UVRAG: variants seen among roughly 807,000 people sequenced by gnomAD.
UVRAG encodes the protein UV radiation resistance-associated gene protein.
Under a neutral mutation model 78.0 loss-of-function variants are expected in UVRAG, and 19 were observed. That is an observed-to-expected ratio of 0.24 (90% confidence interval 0.17 to 0.36). UVRAG has a LOEUF of 0.36. UVRAG is among the 10% of genes least tolerant of loss of function. The pLI is 1.00. For missense variants in UVRAG, 740 were observed against 853.8 expected (o/e 0.87, Z 1.66); for synonymous variants, 323 against 324.6 (o/e 1.00, Z 0.05).
At chr11:76,059,221 A>G (rs1951035354) in intron 12 of UVRAG, among the ~76,000 whole-genome samples, 1 of 152,226 alleles carries the variant, frequency 6.6e-6, no homozygotes, top group African/African-American at 2.4e-5. Context: ...GAAAGATGAT[A>G]GTTTCTCCAC....
In UVRAG at chr11:75,958,434, T is replaced by A. The variant is rs2135192688; in HGVS notation, c.594-3010T>A. 2.0e-5 allele frequency among the ~76,000 whole-genome samples: 3 copies of A among 152,300 alleles called. No homozygotes were observed. The East Asian group carries it at 5.8e-4, about 29-fold the overall frequency. On this transcript the variant is annotated intron_variant, in intron 6 of 14. Transcript: ENST00000356136. ...TATAGCTTCTTCACCAGGAGTAGATTCTATCTCAAAAAACCACTTTTCTTG... is the reference window on the plus strand; with the variant it reads ...TATAGCTTCTTCACCAGGAGTAGATACTATCTCAAAAAACCACTTTTCTTG...
chr11:75,971,854 T>G (rs1458165570), intron 7 of UVRAG, among the ~76,000 whole-genome samples: 1 of 152,076 alleles, frequency 6.6e-6, no homozygotes, highest in East Asian at 1.9e-4. Flanking sequence ...CCCGGCTAGA[T>G]GTTTTTTTGT....
chr11:75,927,130 C>T (rs950168286), intron 6 of UVRAG, among the ~76,000 whole-genome samples: 8 of 148,912 alleles, frequency 5.4e-5, no homozygotes, highest in African/African-American at 1.8e-4. Flanking sequence ...AGTGCAGTGG[C>T]GCAATCTCGG....
intron 12 of UVRAG, among the ~76,000 whole-genome samples, 162 bp from the exon 13 acceptor site, chr11:76,065,548 A>G (rs1951169812): frequency 6.6e-6 from 1 of 152,186 alleles, no homozygotes; most frequent in Admixed American, 6.5e-5. Context: ...TGACTTAATT[A>G]ATATTATGAA....
chr11:75,928,182 A>G (rs1948154799), intron 6 of UVRAG, among the ~76,000 whole-genome samples: 1 of 152,216 alleles, frequency 6.6e-6, no homozygotes, highest in African/African-American at 2.4e-5. Context: ...TGATCCAGCA[A>G]TCAGAAAACT....
intron 12 of UVRAG, among the ~76,000 whole-genome samples, chr11:76,046,300 A>C (rs1054611500): frequency 1.3e-5 from 2 of 152,208 alleles, no homozygotes; most frequent in South Asian, 2.1e-4. Flanking sequence ...AAAAGGAGGG[A>C]TCTCAGGGTG....
chr11:75,885,873 T>C (rs1025049232), intron 4 of UVRAG, among the ~76,000 whole-genome samples: 8 of 152,166 alleles, frequency 5.3e-5, no homozygotes, highest in Admixed American at 5.2e-4. Context: ...CCTAATACAT[T>C]ATTAGATTTT....
intron 12 of UVRAG, among the ~76,000 whole-genome samples, chr11:76,028,528 G>A (rs1591151201): frequency 6.6e-6 from 1 of 152,266 alleles, no homozygotes; most frequent in East Asian, 1.9e-4. Context: ...AAAAGTCCTT[G>A]AAAGAAATTA....
At chr11:76,033,589 A>T (rs989894346) in intron 12 of UVRAG, among the ~76,000 whole-genome samples, 2 of 152,162 alleles carry the variant, frequency 1.3e-5, no homozygotes, top group Non-Finnish European at 2.9e-5. Flanking sequence ...TAGCTTTTAG[A>T]TTAACTAAAT....
chr11:76,137,689 A>G, intron 14 of UVRAG: 1 of 350,752 alleles, frequency 2.9e-6, no homozygotes, highest in South Asian at 2.2e-5. Context: ...ACTTGAGCCC[A>G]GGAGTTTGAG....
At chr11:75,831,312 C>T (rs187105372) in intron 1 of UVRAG, among the ~76,000 whole-genome samples, 5 of 152,186 alleles carry the variant, frequency 3.3e-5, no homozygotes, top group African/African-American at 9.6e-5. Flanking sequence ...CATGGTGAAA[C>T]CCAGTCTCTA....
intron 6 of UVRAG, among the ~76,000 whole-genome samples, chr11:75,919,429 T>C (rs576929644): frequency 2.0e-4 from 31 of 152,174 alleles, no homozygotes; most frequent in Non-Finnish European, 4.1e-4. Context: ...AGAGGATTAC[T>C]GTTAAAATAG....
intron 1 of UVRAG, among the ~76,000 whole-genome samples, chr11:75,828,434 C>A (rs113028682): frequency 0.051 from 7,297 of 142,990 alleles, 641 homozygotes; most frequent in African/African-American, 0.19. Flanking sequence ...TATAGTGAGA[C>A]CCCCATCTCT....
At chr11:75,947,779 C>T (rs1036958025) in intron 6 of UVRAG, among the ~76,000 whole-genome samples, 8 of 152,096 alleles carry the variant, frequency 5.3e-5, no homozygotes, top group African/African-American at 1.9e-4. Flanking sequence ...TTACCAGCTT[C>T]AGTTTTCTCA....
intron 12 of UVRAG, among the ~76,000 whole-genome samples, chr11:76,060,644 G>T (rs763467520): frequency 1.3e-5 from 2 of 152,212 alleles, no homozygotes; most frequent in Non-Finnish European, 2.9e-5. Context: ...GGGTTTGGCG[G>T]CCCCGCACTC....
intron 3 of UVRAG, among the ~76,000 whole-genome samples, chr11:75,873,075 A>G (rs1359081920): frequency 1.3e-5 from 2 of 152,222 alleles, no homozygotes; most frequent in East Asian, 1.9e-4. Context: ...CTATGGGAGC[A>G]TAGAGGAGCG....
chr11:76,114,470 A>G (rs1952138014), intron 13 of UVRAG, among the ~76,000 whole-genome samples: 1 of 152,180 alleles, frequency 6.6e-6, no homozygotes, highest in Non-Finnish European at 1.5e-5. Context: ...TTGCCATTGA[A>G]CCATGCGGCC....
In UVRAG at chr11:75,815,270, G is replaced by C. The variant is rs989369055; in HGVS notation, c.-138G>C. On this transcript the variant is annotated 5_prime_UTR_variant, in exon 1 of 15. Transcript: ENST00000356136. ...GGCGGCAGCGGCGGCAGCGGCGGCG[G>C]CTACTGTCTGGGCTGAGCAGTAGTG... 1 of 488,828 alleles carries C rather than the reference G, an allele frequency of 2.0e-6. No individual in the cohort carries two copies. The highest frequency in any genetic ancestry group is 3.4e-6 in the Non-Finnish European group (1 of 295,010). 30.3% of individuals were successfully genotyped at this position (488,828 alleles called of 1,614,324 possible).
At chr11:75,935,093 T>C (rs1948340787) in intron 6 of UVRAG, 1 of 152,116 alleles carries the variant, frequency 6.6e-6, no homozygotes, top group Non-Finnish European at 1.5e-5. Context: ...TGTATGATAC[T>C]GGGCATAATG....
Sources: allele counts gnomAD v4.1 joint callset (sites outside exome capture counted in the v4.1 genomes callset), GRCh38; gene constraint gnomAD v4.1.1; transcripts MANE v1.5; gene names NCBI Gene and HGNC (gene_info 2026-07-23, HGNC 2026-07-21).